SLC27A3: variants seen among roughly 807,000 people sequenced by gnomAD.
The protein encoded by SLC27A3 is long-chain fatty acid transport protein 3.
SLC27A3 carries 60 observed loss-of-function variants against 60.1 expected under a neutral mutation model. The ratio of observed to expected loss-of-function variants is 1.00; its 90% CI spans 0.81 to 1.24. The LOEUF is 1.24. SLC27A3 is among the 50% of genes most tolerant of loss of function. The probability of loss-of-function intolerance (pLI) is 0.00; values close to 1 mark genes in which losing one functional copy is unlikely to be tolerated. For missense variants in SLC27A3, 1,079 were observed against 929.9 expected (o/e 1.16, Z -2.09); for synonymous variants, 455 against 409.0 (o/e 1.11, Z -1.36).
In SLC27A3 at chr1:153,776,596, C is replaced by T. The variant is rs776656622; in HGVS notation, c.746C>T (p.Thr249Ile). 3.1e-6 allele frequency: 5 copies of T among 1,614,220 alleles called. No homozygotes were observed. The highest frequency in any genetic ancestry group is 2.2e-5 in the East Asian group (1 of 44,884). Residue 249 changes from threonine (T) to isoleucine (I), a missense_variant, in exon 2 of 10, where the codon ACC becomes ATC. Thr to Ile is a moderately conservative substitution (Grantham distance 89). Coordinates refer to ENST00000624995, the MANE Select transcript of SLC27A3 (RefSeq NM_024330.4). ...CACCTGTGGGCTGCAGGCCCAGGAA[C>T]CCACCCTGCTGGAATTAGCGATTTG... ...GLHLWAAGPG[T>I]HPAGISDLLA... is the part of the protein sequence containing the mutation.
At position 153,779,389 on chromosome 1, in the gene SLC27A3, C is replaced by T. The variant is rs1673415238; in HGVS notation, c.1791C>T (p.Pro597=). ...TGGCAGCCCTAGTTCTGCGTCCCCC[C>T]CACGCTTTGGACCTTATGCAGCTCT... ...AGMAALVLRP[P]HALDLMQLYT... is the part of the protein sequence containing the mutation. Residue 597 remains proline (P), a synonymous_variant, in exon 9 of 10, where the codon CCC becomes CCT. Coordinates refer to ENST00000624995, the MANE Select transcript of SLC27A3 (RefSeq NM_024330.4). 2 of 1,613,120 alleles carry T rather than the reference C, an allele frequency of 1.2e-6. No homozygotes were observed. The highest frequency in any genetic ancestry group is 1.1e-5 in the South Asian group (1 of 90,994).
In SLC27A3 at chr1:153,775,422, A is replaced by G; in HGVS notation, c.-76A>G. On this transcript the variant is annotated 5_prime_UTR_variant, in exon 1 of 10. Transcript: ENST00000624995. ...AGTCTCAGCTAGAACGAGCGGCCCT[A>G]GGTTTTCGGAAGGGAGGATCAGGGA... The G allele has an allele frequency of 6.2e-7, 1 of 1,611,734 alleles. No homozygotes were observed. The highest frequency in any genetic ancestry group is 1.3e-5 in the African/African-American group (1 of 75,056).
rs768570076 is a variant in SLC27A3 at position 153,777,801 on chromosome 1, GT to G, written c.1079del (p.Phe360SerfsTer10). 2.5e-6 allele frequency: 4 copies of G among 1,614,256 alleles called. No homozygotes were observed. The highest frequency in any genetic ancestry group is 2.5e-6 in the Non-Finnish European group (3 of 1,180,044). ...VLKSKFSAGQ[F>X]WEDCQQHRVT... ...TGAAATCCAAGTTCTCGGCTGGTCA[GT>G]TCTGGGAAGATTGCCAGCAGCACAG... On this transcript the variant is annotated frameshift_variant, in exon 4 of 10. Coordinates refer to ENST00000624995, the MANE Select transcript of SLC27A3 (RefSeq NM_024330.4). LOFTEE classifies it high-confidence loss of function.
Position 153,778,306 on chromosome 1 carries a change from A to G in SLC27A3, c.1307A>G (p.Asn436Ser). 6.2e-6 allele frequency: 10 copies of G among 1,614,030 alleles called. No individual in the cohort carries two copies. Among genetic ancestry groups the G allele is most frequent in the Non-Finnish European group, 8.5e-6 (10 of 1,179,968 alleles). The part of the protein sequence containing the change: ...GLTEGNVATI[N>S]YTGQRGAVGR... ...ACAGAGGGCAACGTGGCCACCATCA[A>G]CTACACAGGACAGCGGGGCGCTGTG... The change falls in exon 5 of 10, where the codon AAC (asparagine) becomes AGC (serine). Residue 436 changes from asparagine (N) to serine (S), a missense_variant. Coordinates refer to ENST00000624995, the MANE Select transcript of SLC27A3 (RefSeq NM_024330.4).
At chr1:153,778,140 C>T (rs1404190281) in intron 4 of SLC27A3, 21 bp from the exon 5 acceptor site, 6 of 1,589,214 alleles carry the variant, frequency 3.8e-6, no homozygotes, top group Non-Finnish European at 4.3e-6. Context: ...GAAGCTCCGG[C>T]CCCTCTCCCA....
intron 9 of SLC27A3, 118 bp downstream of exon 9, chr1:153,779,591 G>C (rs554869822): frequency 2.5e-6 from 3 of 1,196,266 alleles, no homozygotes; most frequent in Non-Finnish European, 3.5e-6. Flanking sequence ...GACCCCCAAC[G>C]TAATACACTC....
chr1:153,778,888 A>G lies in SLC27A3; in HGVS notation c.1646+3A>G. 3 of 1,613,716 alleles carry G rather than the reference A, an allele frequency of 1.9e-6. No homozygotes were observed. Among genetic ancestry groups the G allele is most frequent in the African/African-American group, 1.3e-5 (1 of 75,034 alleles). ...GATCGTACTGGAGACACCTTCAGGT[A>G]TCTGTCCATAACTGGTTTTTCATCC... On this transcript the variant is annotated splice_donor_region_variant and intron_variant, in intron 7 of 9. Coordinates refer to ENST00000624995, the MANE Select transcript of SLC27A3 (RefSeq NM_024330.4).
Position 153,776,757 on chromosome 1 carries a change from C to G in SLC27A3, c.877+30C>G, listed in dbSNP as rs374061121. The stretch of plus-strand genomic sequence containing the variant: ...GGGCCGGGCACCATACTTAGCTCCC[C>G]GAAACCAAGGCAGAGGAAGGCAGGG... On this transcript the variant is annotated intron_variant, in intron 2 of 9. Coordinates refer to ENST00000624995, the MANE Select transcript of SLC27A3 (RefSeq NM_024330.4). The G allele has an allele frequency of 6.8e-6, 11 of 1,609,038 alleles. No homozygotes were observed. The East Asian group carries it at 2.2e-4, about 33-fold the overall frequency.
In SLC27A3 at chr1:153,777,861, C is replaced by T; in HGVS notation, c.1137C>T (p.Cys379=). ...TGTTCCAGTACATTGGGGAGCTGTG[C>T]CGATACCTTGTCAACCAGCCCCCGG... is the stretch of plus-strand genomic sequence containing the variant. ...VTVFQYIGEL[C]RYLVNQPPSK... The change falls in exon 4 of 10, where the codon TGC becomes TGT. Residue 379 remains cysteine, a synonymous_variant. Transcript: ENST00000624995. The T allele has an allele frequency of 1.2e-6, 2 of 1,614,208 alleles. No homozygotes were observed. Among genetic ancestry groups the T allele is most frequent in the Non-Finnish European group, 1.7e-6 (2 of 1,180,020 alleles).
chr1:153,777,716 C>T, intron 3 of SLC27A3, 45 bp from the exon 4 acceptor site: 1 of 1,606,044 alleles, frequency 6.2e-7, no homozygotes, highest in Non-Finnish European at 8.5e-7. Flanking sequence ...CCCCACTCTG[C>T]TCCTAATCTT....
At chr1:153,779,076 C>T (rs750584663) in intron 7 of SLC27A3, 38 bp from the exon 8 acceptor site, 6 of 1,603,394 alleles carry the variant, frequency 3.7e-6, no homozygotes, top group Middle Eastern at 1.7e-4. Flanking sequence ...AAGGCCCTGA[C>T]CCCTGACTCC....
rs754453787 is a variant in SLC27A3 at position 153,778,748 on chromosome 1, C to T, written c.1509C>T (p.Gly503=). 109 of 1,613,674 alleles carry T rather than the reference C, an allele frequency of 6.8e-5. No homozygotes were observed. Among genetic ancestry groups the T allele is most frequent in the Middle Eastern group, 1.6e-4 (1 of 6,082 alleles). ...SQQSPFLGYA[G]GPELAQGKLL... is the part of the protein sequence containing the mutation. ...AGTCCCCATTCCTGGGCTATGCTGG[C>T]GGGCCAGAGCTGGCCCAGGGGAAGT... Residue 503 remains glycine, a synonymous_variant, in exon 7 of 10, where the codon GGC becomes GGT. Transcript: ENST00000624995.
At chr1:153,777,302 T>G (rs765737407) in intron 3 of SLC27A3, 82 bp downstream of exon 3, 2 of 1,516,254 alleles carry the variant, frequency 1.3e-6, no homozygotes, top group Non-Finnish European at 1.8e-6. Context: ...TCCTCCAGGG[T>G]AGATAATCTA....
chr1:153,777,482 TAAGAG>T, intron 3 of SLC27A3: 1 of 614,074 alleles, frequency 1.6e-6, no homozygotes, highest in African/African-American at 1.9e-5. Flanking sequence ...AACAGGCAAG[TAAGAG>T]AAGAGGGAGA....
intron 1 of SLC27A3, 172 bp downstream of exon 1, chr1:153,776,336 G>A: frequency 7.2e-7 from 1 of 1,383,246 alleles, no homozygotes; most frequent in Non-Finnish European, 9.5e-7. Flanking sequence ...GGATGAGGCT[G>A]AATCTTTGGT....
chr1:153,776,140 G>A lies in SLC27A3; in HGVS notation c.643G>A (p.Ala215Thr). 3.5e-6 allele frequency: 5 copies of A among 1,429,920 alleles called. No homozygotes were observed. Among genetic ancestry groups the A allele is most frequent in the African/African-American group, 1.5e-5 (1 of 67,468 alleles). The allele number at this position is 1,429,920 out of a possible 1,614,324, so 88.6% of individuals were successfully genotyped here. The change falls in exon 1 of 10, where the codon GCG (alanine) becomes ACG (threonine). Residue 215 changes from alanine (A) to threonine (T), a missense_variant. By Grantham distance (58) the Ala-to-Thr change is moderately conservative. Coordinates refer to ENST00000624995, the MANE Select transcript of SLC27A3 (RefSeq NM_024330.4). Reference sequence around the variant, plus strand: ...GCTGCACTGCCTCCGCAGCTGCGGCGCGCGCGCGCTGGTGCTGGCGCCAGG... The same window carrying A: ...GCTGCACTGCCTCCGCAGCTGCGGCACGCGCGCGCTGGTGCTGGCGCCAGG... ...PLLHCLRSCG[A>T]RALVLAPEFL...
rs1411511962 is a variant in SLC27A3 at position 153,777,775 on chromosome 1, C to G, written c.1051C>G (p.Leu351Val). ...GCMGIGATVV[L>V]KSKFSAGQFW... ...ACTTCTGGCAGGGGCCACAGTGGTG[C>G]TGAAATCCAAGTTCTCGGCTGGTCA... The change falls in exon 4 of 10, where the codon CTG becomes GTG. Residue 351 changes from leucine to valine, a missense_variant. Transcript: ENST00000624995. The G allele has an allele frequency of 2.5e-6, 4 of 1,614,172 alleles. No homozygotes were observed. The South Asian group carries it at 4.4e-5, about 18-fold the overall frequency.
chr1:153,776,160 G>A lies in SLC27A3; in HGVS notation c.663G>A (p.Ala221=). The change falls in exon 1 of 10, where the codon GCG becomes GCA. Residue 221 remains alanine, a synonymous_variant. Transcript: ENST00000624995. ...GCGGCGCGCGCGCGCTGGTGCTGGCGCCAGGTAAGGCTGGAGCTCCGAACT... is the reference window on the plus strand; with the variant it reads ...GCGGCGCGCGCGCGCTGGTGCTGGCACCAGGTAAGGCTGGAGCTCCGAACT... ...RSCGARALVL[A]PEFLESLEPD... The A allele has an allele frequency of 7.1e-7, 1 of 1,416,722 alleles. No homozygotes were observed. The highest frequency in any genetic ancestry group is 9.1e-7 in the Non-Finnish European group (1 of 1,097,804). 87.8% of individuals were successfully genotyped at this position (1,416,722 alleles called of 1,614,324 possible). A position where few individuals can be genotyped will look rare whatever the true frequency, so the allele number is the denominator to read the frequency against.
At chr1:153,779,732 C>A in intron 9 of SLC27A3, 94 bp from the exon 10 acceptor site, 2 of 1,282,052 alleles carry the variant, frequency 1.6e-6, no homozygotes, top group Non-Finnish European at 1.1e-6. Context: ...ACTCCCTTTC[C>A]CAAGACTTGC....
Sources: gnomAD v4.1 joint callset for allele counts on GRCh38, gnomAD v4.1.1 for gene constraint, MANE v1.5 for transcripts, NCBI Gene and HGNC (gene_info 2026-07-23, HGNC 2026-07-21) for gene names.